The following EPHA6 variants were observed in gnomAD, a reference collection of about 807,000 sequenced individuals.
EPHA6 encodes the protein EPH receptor A6, also known as ephrin type-A receptor 6.
EPHA6 carries 50 observed loss-of-function variants against 112.0 expected under a neutral mutation model. The ratio of observed to expected loss-of-function variants is 0.45; its 90% confidence interval spans 0.36 to 0.56. EPHA6 has a LOEUF of 0.56. Among genes scored for constraint, EPHA6 ranks in the 20% least tolerant of loss-of-function variants. EPHA6 has a pLI of 0.00. For missense variants in EPHA6, 1,280 were observed against 1,417.4 expected, an observed-to-expected ratio of 0.90 and a Z score of 1.56; for synonymous variants, 529 against 490.7, an observed-to-expected ratio of 1.08 and a Z score of -1.03.
intron 11 of EPHA6, among the ~76,000 whole-genome samples, chr3:97,538,998 TCTTTC>T (rs1193566818): frequency 2.0e-5 from 3 of 147,246 alleles, no homozygotes. Context: ...TTTCTTTCTT[TCTTTC>T]TTTCTTTCTT....
intron 1 of EPHA6, among the ~76,000 whole-genome samples, chr3:96,850,956 C>G (rs2107369524): frequency 6.6e-6 from 1 of 151,992 alleles, no homozygotes; most frequent in South Asian, 2.1e-4. Context: ...TATTAAAATT[C>G]AAGTATTTTA....
At chr3:97,235,900 G>C (rs958704311) in intron 4 of EPHA6, among the ~76,000 whole-genome samples, 5 of 151,854 alleles carry the variant, frequency 3.3e-5, no homozygotes, top group Non-Finnish European at 7.4e-5. Flanking sequence ...TGTTGTCCTT[G>C]TTGTTTTCTT....
intron 5 of EPHA6, among the ~76,000 whole-genome samples, chr3:97,368,578 G>T (rs2108969037): frequency 6.6e-6 from 1 of 152,154 alleles, no homozygotes; most frequent in Non-Finnish European, 1.5e-5. Flanking sequence ...ACTTATATTT[G>T]CTACACTTAT....
chr3:97,351,150 C>T (rs762437861), intron 5 of EPHA6, among the ~76,000 whole-genome samples: 2 of 152,270 alleles, frequency 1.3e-5, no homozygotes, highest in African/African-American at 4.8e-5. Flanking sequence ...CTTGTGTTCA[C>T]GCCAAAGTGC....
rs185866672 is a variant in EPHA6 at position 97,540,955 on chromosome 3, A to C, written c.2386+8412A>C. Among the ~76,000 whole-genome samples the C allele has an allele frequency of 2.6e-3, 390 of 152,330 alleles. 4 individuals carry two copies. Among genetic ancestry groups the C allele is most frequent in the African/African-American group, 9.1e-3 (380 of 41,578 alleles). On this transcript the variant is annotated intron_variant, in intron 11 of 17. Transcript: ENST00000389672. ...ATATTACAGGCATGAATTCGCATCC[A>C]GGAATTCAGGAGAGTAAGAACCAAC...
chr3:97,638,328 T>A (rs2093968944), intron 14 of EPHA6, among the ~76,000 whole-genome samples: 1 of 152,192 alleles, frequency 6.6e-6, no homozygotes, highest in South Asian at 2.1e-4. Context: ...GACTTTAACA[T>A]CATGCTTAAC....
chr3:97,352,784 T>C (rs2083880523), intron 5 of EPHA6, among the ~76,000 whole-genome samples: 1 of 151,898 alleles, frequency 6.6e-6, no homozygotes, highest in Non-Finnish European at 1.5e-5. Context: ...GGACTTGGAG[T>C]GCACATGACA....
intron 16 of EPHA6, among the ~76,000 whole-genome samples, chr3:97,736,491 G>GTA (rs1201673212): frequency 6.6e-6 from 1 of 151,514 alleles, no homozygotes; most frequent in East Asian, 2.0e-4. Context: ...GTGTGTGTGT[G>GTA]TGTGTGTGTG....
intron 13 of EPHA6, among the ~76,000 whole-genome samples, chr3:97,632,316 C>A (rs1399191550): frequency 6.6e-6 from 1 of 151,982 alleles, no homozygotes; most frequent in Non-Finnish European, 1.5e-5. Context: ...AGGTGCTAGA[C>A]CCTGGGATTA....
chr3:97,002,268 C>A (rs770428571), intron 3 of EPHA6, among the ~76,000 whole-genome samples: 33 of 151,386 alleles, frequency 2.2e-4, no homozygotes, highest in Non-Finnish European at 4.0e-4. Flanking sequence ...TATGTGGGTG[C>A]ATTTATATAT....
intron 3 of EPHA6, among the ~76,000 whole-genome samples, chr3:97,117,890 T>C (rs185656668): frequency 1.9e-3 from 284 of 152,010 alleles, no homozygotes; most frequent in Middle Eastern, 3.4e-3. Context: ...ATATTTCTTA[T>C]ATGTGGTAGT....
At chr3:97,405,328 A>G (rs1296916441) in intron 6 of EPHA6, 54 bp downstream of exon 6, 1 of 1,468,090 alleles carries the variant, frequency 6.8e-7, no homozygotes, top group East Asian at 2.4e-5. Context: ...ATATATATGT[A>G]TATATTGAGC....
chr3:97,720,551 C>A, intron 15 of EPHA6, 141 bp downstream of exon 15: 1 of 652,124 alleles, frequency 1.5e-6, no homozygotes, highest in African/African-American at 1.9e-5. Flanking sequence ...GTTTGAGAAG[C>A]TGAGTAACCT....
rs564925217 is a variant in EPHA6, at chr3:97,502,972, AAACT to A, written c.2200+18918_2200+18921del. Among the ~76,000 whole-genome samples, 984 of 152,078 alleles carry A rather than the reference AAACT, an allele frequency of 6.5e-3. 11 individuals carry two copies. The highest frequency in any genetic ancestry group is 0.022 in the African/African-American group (904 of 41,522). ...TCCTTAAAATACTAATAAAATTTTC[AAACT>A]AACTCTGACAAAACAAATCAAGAAA... On this transcript the variant is annotated intron_variant, in intron 10 of 17. Transcript: ENST00000389672.
chr3:96,844,832 A>G (rs2034975827), intron 1 of EPHA6, among the ~76,000 whole-genome samples: 1 of 152,018 alleles, frequency 6.6e-6, no homozygotes, highest in South Asian at 2.1e-4. Flanking sequence ...ATACAGCTGA[A>G]ATAAAAAGTC....
At chr3:96,830,955 T>G (rs2034031489) in intron 1 of EPHA6, among the ~76,000 whole-genome samples, 1 of 152,064 alleles carries the variant, frequency 6.6e-6, no homozygotes, top group South Asian at 2.1e-4. Context: ...TTAGCTACAT[T>G]TAACCATTCC....
intron 7 of EPHA6, among the ~76,000 whole-genome samples, chr3:97,461,709 G>C (rs1452134054): frequency 6.6e-6 from 1 of 152,068 alleles, no homozygotes; most frequent in East Asian, 1.9e-4. Context: ...TTACTATAGG[G>C]ATAGTTAGCT....
intron 7 of EPHA6, 30 bp downstream of exon 7, chr3:97,448,760 A>T (rs745515641): frequency 6.2e-7 from 1 of 1,607,926 alleles, no homozygotes; most frequent in East Asian, 2.2e-5. Flanking sequence ...ATAACATAAG[A>T]TGTGAATTTA....
chr3:97,417,128 A>G (rs1298690643), intron 6 of EPHA6, among the ~76,000 whole-genome samples: 1 of 152,204 alleles, frequency 6.6e-6, no homozygotes, highest in Non-Finnish European at 1.5e-5. Flanking sequence ...TCTTAAAACA[A>G]TTATACTCCT....
Sources: gnomAD v4.1 joint callset for allele counts (sites outside exome capture counted in the v4.1 genomes callset) on GRCh38, gnomAD v4.1.1 for gene constraint, MANE v1.5 for transcripts, NCBI Gene and HGNC (gene_info 2026-07-23, HGNC 2026-07-21) for gene names.